The following MTA3 variants were observed in gnomAD, a reference collection of about 807,000 sequenced individuals.
MTA3 encodes metastasis associated 1 family member 3, also known as metastasis-associated protein MTA3.
Under a neutral mutation model 83.5 loss-of-function variants are expected in MTA3, and 34 were observed. The ratio of observed to expected loss-of-function variants is 0.41; its 90% CI spans 0.31 to 0.54. The LOEUF (loss-of-function observed/expected upper bound fraction) is 0.54, where lower values mean the gene tolerates loss of function less well. Among genes scored for constraint, MTA3 ranks in the 20% least tolerant of loss-of-function variants. The pLI is 0.33. For synonymous variants in MTA3, 303 were observed against 252.7 expected (o/e 1.20, Z -1.89); for missense variants, 761 against 726.4 (o/e 1.05, Z -0.55).
chr2:42,663,167 AGATTAT>A (rs1460236189), intron 8 of MTA3, among the ~76,000 whole-genome samples: 12 of 152,320 alleles, frequency 7.9e-5, no homozygotes, highest in Middle Eastern at 3.4e-3. Context: ...ACTGCTTCTC[AGATTAT>A]AACTGGGGAT....
At chr2:42,729,942 A>AT (rs1668130695) in intron 16 of MTA3, among the ~76,000 whole-genome samples, 1 of 152,130 alleles carries the variant, frequency 6.6e-6, no homozygotes, top group Admixed American at 6.5e-5. Context: ...ATATCTTTGC[A>AT]TTTTTTGGTG....
At chr2:42,653,891 T>A (rs1361313549) in intron 6 of MTA3, among the ~76,000 whole-genome samples, 2 of 152,216 alleles carry the variant, frequency 1.3e-5, no homozygotes, top group Non-Finnish European at 1.5e-5. Context: ...AGATTTCAAA[T>A]GTTTTACCAC....
chr2:42,512,396 T>C (rs1266757223), intron 2 of MTA3, among the ~76,000 whole-genome samples: 1 of 152,188 alleles, frequency 6.6e-6, no homozygotes, highest in Non-Finnish European at 1.5e-5. Flanking sequence ...CAGCAGGTCC[T>C]CTCCCCAGAA....
At chr2:42,506,637 T>G (rs950654007) in intron 2 of MTA3, among the ~76,000 whole-genome samples, 9 of 151,488 alleles carry the variant, frequency 5.9e-5, no homozygotes, top group African/African-American at 1.7e-4. Flanking sequence ...ATTTATTTAT[T>G]TATTTATTTA....
At position 42,549,654 on chromosome 2, in the gene MTA3, T is replaced by TTATATACATATACATATATAATATATAA. The variant is rs1677020949; in HGVS notation, c.-140-20777_-140-20750dup. 1.2e-4 allele frequency among the ~76,000 whole-genome samples: 15 copies of TTATATACATATACATATATAATATATAA among 128,082 alleles called. No individual in the cohort carries two copies. In the South Asian group the frequency reaches 1.7e-3, roughly 15 times the overall value. The allele number at this position is 128,082 out of a possible 152,430, so 84.0% of individuals were successfully genotyped here. A position where few individuals can be genotyped will look rare whatever the true frequency, so the allele number is the denominator to read the frequency against. On this transcript the variant is annotated intron_variant, in intron 2 of 17. Coordinates refer to the MTA3 transcript ENST00000405592. ...ATATACATATATAATATATAATATA[T>TTATATACATATACATATATAATATATAA]TATATACATATACATATATAATATA...
rs189872966 is a variant in MTA3 at position 42,523,074 on chromosome 2, G to A, written c.-141+27820G>A. ...ATCCTCCCATCTCAGGCCTCCCAGA[G>A]TGCTAGAATACAGGCGTGGGCCATC... On this transcript the variant is annotated intron_variant, in intron 2 of 17. Coordinates refer to the MTA3 transcript ENST00000405592. 3.3e-5 allele frequency among the ~76,000 whole-genome samples: 5 copies of A among 152,210 alleles called. No individual in the cohort carries two copies. In the East Asian group the frequency reaches 9.7e-4, roughly 29 times the overall value.
intron 16 of MTA3, among the ~76,000 whole-genome samples, chr2:42,748,201 T>TTGTGTGTG (rs61339061): frequency 0.017 from 2,274 of 137,638 alleles, 31 homozygotes; most frequent in African/African-American, 0.022. Flanking sequence ...GCTAATGTGT[T>TTGTGTGTG]TGTGTGTGTG....
chr2:42,725,877 G>T (rs1438416575), intron 16 of MTA3, among the ~76,000 whole-genome samples: 6 of 152,200 alleles, frequency 3.9e-5, no homozygotes, highest in East Asian at 1.9e-4. Context: ...CAGCATCATG[G>T]AGCTGAGAAA....
chr2:42,643,726 C>G (rs1335693677), intron 5 of MTA3, among the ~76,000 whole-genome samples: 1 of 152,034 alleles, frequency 6.6e-6, no homozygotes, highest in African/African-American at 2.4e-5. Flanking sequence ...AGTAAGAGTA[C>G]CTGGTATCTG....
intron 2 of MTA3, among the ~76,000 whole-genome samples, chr2:42,505,564 G>A (rs781592976): frequency 1.8e-4 from 27 of 151,876 alleles, no homozygotes; most frequent in Non-Finnish European, 3.1e-4. Context: ...CCTGGAGGGA[G>A]GAACCAGTTA....
intron 14 of MTA3, among the ~76,000 whole-genome samples, chr2:42,713,613 C>G (rs538767118): frequency 1.2e-5 from 1 of 84,274 alleles, no homozygotes; most frequent in African/African-American, 6.8e-5. Context: ...TCATCGTTGC[C>G]TTAAGTATCC....
At chr2:42,596,973 T>C (rs888563563) in intron 3 of MTA3, among the ~76,000 whole-genome samples, 1 of 151,900 alleles carries the variant, frequency 6.6e-6, no homozygotes, top group African/African-American at 2.4e-5. Flanking sequence ...GGTGCGATCT[T>C]GGCTCACTGC....
chr2:42,739,526 G>T (rs886799429), intron 16 of MTA3, among the ~76,000 whole-genome samples: 1 of 151,590 alleles, frequency 6.6e-6, no homozygotes, highest in African/African-American at 2.4e-5. Context: ...TTGCCTCAAT[G>T]TTGATGGCCA....
In MTA3 at chr2:42,644,072, T is replaced by A. The variant is rs1573447721; in HGVS notation, c.382-55T>A. ...ATTGTAGCAACATTGATTTTAATGC[T>A]TTATAAGAAGTAGAAGGAATTAAGT... On this transcript the variant is annotated intron_variant, in intron 5 of 16. Coordinates refer to ENST00000405094, the MANE Select transcript of MTA3 (RefSeq NM_001330442.2). 7 of 1,083,142 alleles carry A rather than the reference T, an allele frequency of 6.5e-6. No individual in the cohort carries two copies. In the East Asian group the frequency reaches 1.5e-4, roughly 23 times the overall value. The allele number at this position is 1,083,142 out of a possible 1,614,324, so 67.1% of individuals were successfully genotyped here.
At chr2:42,729,089 T>TTTTTTTTTG in intron 16 of MTA3, among the ~76,000 whole-genome samples, 1 of 104,856 alleles carries the variant, frequency 9.5e-6, no homozygotes, top group Admixed American at 9.4e-5. Flanking sequence ...AGTTTGAGTT[T>TTTTTTTTTG]TTTTTTTTTT....
intron 4 of MTA3, among the ~76,000 whole-genome samples, chr2:42,628,772 CTTTTTTTTT>C (rs1362469763): frequency 2.7e-5 from 1 of 37,404 alleles, no homozygotes; most frequent in Admixed American, 3.3e-4. Context: ...CATTTCCACC[CTTTTTTTTT>C]TTTTTTTTGG....
rs141682205 is a variant in MTA3, at chr2:42,719,430, G to A, written c.1612+356G>A. ...ATATTCTTCTTCAGATCCCTTCCCT[G>A]TTTCTAACTCACCTCACCTCTTTTT... On this transcript the variant is annotated intron_variant, in intron 15 of 16. Transcript: ENST00000405094. 1.9e-4 allele frequency among the ~76,000 whole-genome samples: 29 copies of A among 152,208 alleles called. No individual in the cohort carries two copies. In the East Asian group the frequency reaches 4.8e-3, roughly 25 times the overall value.
intron 16 of MTA3, among the ~76,000 whole-genome samples, chr2:42,734,322 C>CT (rs1668455982): frequency 6.6e-6 from 1 of 151,050 alleles, no homozygotes; most frequent in Non-Finnish European, 1.5e-5. Context: ...GTCTTTAAAT[C>CT]TTTTTTGTCT....
At chr2:42,593,341 A>G (rs970934020) in intron 3 of MTA3, among the ~76,000 whole-genome samples, 6 of 63,790 alleles carry the variant, frequency 9.4e-5, no homozygotes, top group African/African-American at 4.9e-4. Flanking sequence ...ACAGAGCGAG[A>G]CTCTGTGTCA....
Sources: gnomAD v4.1 joint callset for allele counts (sites outside exome capture counted in the v4.1 genomes callset) on GRCh38, gnomAD v4.1.1 for gene constraint, MANE v1.5 for transcripts, NCBI Gene and HGNC (gene_info 2026-07-23, HGNC 2026-07-21) for gene names.